SH3PXD2B: variants seen among roughly 807,000 people sequenced by gnomAD.
SH3PXD2B encodes SH3 and PX domains 2B.
Under a neutral mutation model 73.1 loss-of-function variants are expected in SH3PXD2B, and 37 were observed. The ratio of observed to expected loss-of-function variants is 0.51; its 90% CI spans 0.39 to 0.67. SH3PXD2B has a LOEUF of 0.67. SH3PXD2B is among the 30% of genes least tolerant of loss of function. The probability of loss-of-function intolerance (pLI) is 0.00; values close to 1 mark genes in which losing one functional copy is unlikely to be tolerated. For missense variants in SH3PXD2B, 1,053 were observed against 1,197.8 expected (o/e 0.88, Z 1.78); for synonymous variants, 457 against 480.5 (o/e 0.95, Z 0.64).
chr5:172,383,857 T>A (rs1216581173), intron 4 of SH3PXD2B, among the ~76,000 whole-genome samples: 2 of 151,800 alleles, frequency 1.3e-5, no homozygotes, highest in East Asian at 3.9e-4. Flanking sequence ...TCTTTCTTTT[T>A]TTTTTTTTGA....
Position 172,408,534 on chromosome 5 carries a change from C to CTTTTTT in SH3PXD2B, c.157-2188_157-2183dup, listed in dbSNP as rs34377327. Among the ~76,000 whole-genome samples, 696 of 92,632 alleles carry CTTTTTT rather than the reference C, an allele frequency of 7.5e-3. 58 individuals carry two copies. Among genetic ancestry groups the CTTTTTT allele is most frequent in the African/African-American group, 0.03 (601 of 20,002 alleles). The allele number at this position is 92,632 out of a possible 152,430, so 60.8% of individuals were successfully genotyped here. A position where few individuals can be genotyped will look rare whatever the true frequency, so the allele number is the denominator to read the frequency against. The stretch of plus-strand genomic sequence containing the variant: ...TTCTTTTGTGTGCTTTGGGTTATCA[C>CTTTTTT]TTTTTTTTTTTTTTTTTTTTTGAGA... On this transcript the variant is annotated intron_variant, in intron 2 of 12. Coordinates refer to ENST00000311601, the MANE Select transcript of SH3PXD2B (RefSeq NM_001017995.3).
At chr5:172,367,928 T>G (rs1207102556) in intron 6 of SH3PXD2B, among the ~76,000 whole-genome samples, 1 of 152,174 alleles carries the variant, frequency 6.6e-6, no homozygotes, top group Non-Finnish European at 1.5e-5. Context: ...CATTGAACAA[T>G]CTATCACTCC....
downstream of SH3PXD2B, among the ~76,000 whole-genome samples, chr5:172,332,214 T>C (rs1436007838): frequency 6.6e-6 from 1 of 151,450 alleles, no homozygotes; most frequent in Non-Finnish European, 1.5e-5. Flanking sequence ...TGGGTGAACC[T>C]GCTCCTATGG....
intron 2 of SH3PXD2B, among the ~76,000 whole-genome samples, chr5:172,415,242 C>T (rs1157006021): frequency 6.6e-6 from 1 of 152,154 alleles, no homozygotes; most frequent in African/African-American, 2.4e-5. Context: ...AGTGGGAACT[C>T]AGAAGACAAA....
intron 4 of SH3PXD2B, among the ~76,000 whole-genome samples, chr5:172,394,047 G>A (rs1427040221): frequency 1.3e-5 from 2 of 152,036 alleles, no homozygotes; most frequent in Non-Finnish European, 2.9e-5. Flanking sequence ...AGGTTCAAGC[G>A]ATTCTCCTGC....
At chr5:172,453,930 T>C (rs549719841) in intron 1 of SH3PXD2B, among the ~76,000 whole-genome samples, 1 of 152,138 alleles carries the variant, frequency 6.6e-6, no homozygotes, top group African/African-American at 2.4e-5. Flanking sequence ...CCGCTTTCTG[T>C]CTCAGACCCC....
Position 172,361,803 on chromosome 5 carries a change from C to T in SH3PXD2B, c.562+932G>A, listed in dbSNP as rs1354393416. Among the ~76,000 whole-genome samples, 5 of 152,140 alleles carry T rather than the reference C, an allele frequency of 3.3e-5. No individual in the cohort carries two copies. The South Asian group carries it at 8.3e-4, about 25-fold the overall frequency. ...TAACCAAGGAAGTTTGGCTGGCTGG[C>T]GCTGGTCTCGTGACTAATGCCACCA... is the stretch of plus-strand genomic sequence containing the variant. On this transcript the variant is annotated intron_variant, in intron 7 of 12. Transcript: ENST00000311601.
At chr5:172,379,126 G>C (rs1161613199) in intron 5 of SH3PXD2B, among the ~76,000 whole-genome samples, 1 of 144,136 alleles carries the variant, frequency 6.9e-6, no homozygotes, top group Admixed American at 7.0e-5. Context: ...TTCATATATT[G>C]AAACACTAAC....
chr5:172,335,854 C>T lies in SH3PXD2B; in HGVS notation c.*2515G>A. The T allele has an allele frequency of 8.2e-7, 1 of 1,226,638 alleles. No homozygotes were observed. The allele number at this position is 1,226,638 out of a possible 1,614,324, so 76.0% of individuals were successfully genotyped here. On this transcript the variant is annotated 3_prime_UTR_variant, in exon 13 of 13. Transcript: ENST00000311601. ...AGACGTCCTCAGGCCATAGATATGACTCAAGGAGAGAACAGTGAACAGAGA... is the reference window on the plus strand; with the variant it reads ...AGACGTCCTCAGGCCATAGATATGATTCAAGGAGAGAACAGTGAACAGAGA...
downstream of SH3PXD2B, among the ~76,000 whole-genome samples, chr5:172,329,897 G>A (rs537028176): frequency 6.6e-6 from 1 of 152,248 alleles, no homozygotes; most frequent in African/African-American, 2.4e-5. Context: ...TGTATGTTCT[G>A]TACACTGCCA....
intron 1 of SH3PXD2B, among the ~76,000 whole-genome samples, chr5:172,436,440 A>G (rs1345459501): frequency 6.6e-6 from 1 of 152,250 alleles, no homozygotes; most frequent in Non-Finnish European, 1.5e-5. Flanking sequence ...CTTCAGGCAG[A>G]CAACAAAGGG....
chr5:172,362,884 C>G lies in SH3PXD2B; in HGVS notation c.428-15G>C. On this transcript the variant is annotated splice_polypyrimidine_tract_variant and intron_variant, in intron 6 of 12. Coordinates refer to ENST00000311601, the MANE Select transcript of SH3PXD2B (RefSeq NM_001017995.3). The stretch of plus-strand genomic sequence containing the variant: ...TTGGTCACCCCCTGTGGATAGGAAA[C>G]AGACATGACATCTGGCCACCACTCA... 1 of 1,613,996 alleles carries G rather than the reference C, an allele frequency of 6.2e-7. No individual in the cohort carries two copies.
chr5:172,426,420 G>A (rs1468809524), intron 1 of SH3PXD2B, among the ~76,000 whole-genome samples: 1 of 152,222 alleles, frequency 6.6e-6, no homozygotes, highest in Non-Finnish European at 1.5e-5. Flanking sequence ...CTCCCTTGAG[G>A]GGTAAGCCAC....
chr5:172,411,993 A>T (rs972691749), intron 2 of SH3PXD2B, among the ~76,000 whole-genome samples: 3 of 151,632 alleles, frequency 2.0e-5, no homozygotes, highest in African/African-American at 7.3e-5. Context: ...GGCCCTGGCA[A>T]CCACTACTCT....
chr5:172,348,347 G>A (rs896827624), intron 10 of SH3PXD2B, among the ~76,000 whole-genome samples: 1 of 151,782 alleles, frequency 6.6e-6, no homozygotes, highest in African/African-American at 2.4e-5. Context: ...TTTTTTAAAT[G>A]GAGTTTCGCT....
At chr5:172,384,577 A>G (rs1159196139) in intron 4 of SH3PXD2B, among the ~76,000 whole-genome samples, 1 of 152,090 alleles carries the variant, frequency 6.6e-6, no homozygotes, top group African/African-American at 2.4e-5. Flanking sequence ...TGATGATTCC[A>G]GGTAGCTCAT....
intron 9 of SH3PXD2B, among the ~76,000 whole-genome samples, chr5:172,350,906 T>A (rs953652483): frequency 1.3e-5 from 2 of 152,126 alleles, no homozygotes; most frequent in Non-Finnish European, 2.9e-5. Context: ...CAGCCCCAGC[T>A]CTGGGGCCAA....
chr5:172,327,752 G>GT lies in SH3PXD2B; in HGVS notation c.1189-2373dup, dbSNP rs3053146. 7.5e-3 allele frequency among the ~76,000 whole-genome samples: 1,062 copies of GT among 142,314 alleles called. 21 individuals are homozygous for GT. Among genetic ancestry groups the GT allele is most frequent in the African/African-American group, 0.024 (875 of 36,722 alleles). The allele number at this position is 142,314 out of a possible 152,430, so 93.4% of individuals were successfully genotyped here. On this transcript the variant is annotated intron_variant, in intron 12 of 12. Coordinates refer to the SH3PXD2B transcript ENST00000519643. ...TACGGGTGCATACCACTGCAACTGG[G>GT]TTTTTTTTTTTTTTTTTTTTGAGAT...
rs1759889630 is a variant in SH3PXD2B, at chr5:172,454,483, C to G, written c.-131G>C. On this transcript the variant is annotated 5_prime_UTR_variant, in exon 1 of 13. Transcript: ENST00000311601. ...AATCGCAGCCGGGGCCGAGCACGAG[C>G]CGCCGCCGCCACCGCCGCCGCCCTT... The G allele has an allele frequency of 3.4e-6, 1 of 294,074 alleles. No homozygotes were observed. 18.2% of individuals were successfully genotyped at this position (294,074 alleles called of 1,614,324 possible).
Sources: gnomAD v4.1 joint callset for allele counts (sites outside exome capture counted in the v4.1 genomes callset) on GRCh38, gnomAD v4.1.1 for gene constraint, MANE v1.5 for transcripts, NCBI Gene and HGNC (gene_info 2026-07-23, HGNC 2026-07-21) for gene names.